Variants in DENND1B observed in about 807,000 individuals in gnomAD.
DENND1B encodes DENN domain-containing protein 1B.
Under a neutral mutation model 90.1 loss-of-function variants are expected in DENND1B, and 59 were observed. The ratio of observed to expected loss-of-function variants is 0.65; its 90% CI spans 0.53 to 0.81. The LOEUF (loss-of-function observed/expected upper bound fraction) is 0.81. Among genes scored for constraint, DENND1B ranks in the 40% least tolerant of loss-of-function variants. The probability of loss-of-function intolerance (pLI) is 0.00; values close to 1 mark genes in which losing one functional copy is unlikely to be tolerated. For synonymous variants in DENND1B, 337 were observed against 324.6 expected (o/e 1.04, Z -0.41); for missense variants, 862 against 912.6 (o/e 0.94, Z 0.71).
chr1:197,670,486 T>TGTGTGTGTGTGTGTGTGTGTGTG (rs1336591945), intron 5 of DENND1B, among the ~76,000 whole-genome samples: 5 of 145,034 alleles, frequency 3.4e-5, no homozygotes, highest in South Asian at 2.2e-4. Flanking sequence ...TGTGTGTGTA[T>TGTGTGTGTGTGTGTGTGTGTGTG]TGAGAGAGAA....
At chr1:197,753,308 C>A (rs114813245) in intron 2 of DENND1B, among the ~76,000 whole-genome samples, 1 of 151,788 alleles carries the variant, frequency 6.6e-6, no homozygotes, top group Non-Finnish European at 1.5e-5. Flanking sequence ...TAAAGCAAGA[C>A]AGGCAAAAAT....
chr1:197,734,539 G>A, intron 2 of DENND1B: 4 of 971,190 alleles, frequency 4.1e-6, no homozygotes, highest in Non-Finnish European at 4.9e-6. Context: ...AAAAATAGAT[G>A]TTTTGTGTTA....
intron 2 of DENND1B, among the ~76,000 whole-genome samples, chr1:197,762,653 T>C (rs1655231511): frequency 6.6e-6 from 1 of 152,172 alleles, no homozygotes; most frequent in African/African-American, 2.4e-5. Context: ...TCTAGACTTG[T>C]TCATTCTATA....
chr1:197,616,919 C>A (rs189187755), intron 11 of DENND1B, among the ~76,000 whole-genome samples: 2 of 150,982 alleles, frequency 1.3e-5, no homozygotes, highest in East Asian at 3.9e-4. Flanking sequence ...CATTTCCCCC[C>A]CTAGTCTTGA....
intron 13 of DENND1B, among the ~76,000 whole-genome samples, chr1:197,597,260 C>T (rs903079782): frequency 6.6e-6 from 1 of 151,700 alleles, no homozygotes; most frequent in Non-Finnish European, 1.5e-5. Flanking sequence ...TCTAATGCTA[C>T]TTTTAAGTTT....
intron 2 of DENND1B, among the ~76,000 whole-genome samples, chr1:197,742,936 A>G (rs1663352761): frequency 6.6e-6 from 1 of 152,170 alleles, no homozygotes; most frequent in African/African-American, 2.4e-5. Context: ...GAACAAGCAG[A>G]TAAAACCATG....
intron 6 of DENND1B, among the ~76,000 whole-genome samples, chr1:197,653,776 T>C (rs1358682808): frequency 6.6e-6 from 1 of 152,090 alleles, no homozygotes; most frequent in Non-Finnish European, 1.5e-5. Context: ...AATAATAATT[T>C]ATCAGTAAGA....
intron 20 of DENND1B, 112 bp from the exon 21 acceptor site, chr1:197,513,065 C>T: frequency 1.3e-6 from 1 of 771,448 alleles, no homozygotes; most frequent in Non-Finnish European, 2.0e-6. Context: ...AAGAAATATG[C>T]ATTCAGGGTT....
intron 15 of DENND1B, among the ~76,000 whole-genome samples, chr1:197,580,959 A>G (rs1233565834): frequency 1.3e-5 from 2 of 152,176 alleles, no homozygotes; most frequent in African/African-American, 4.8e-5. Flanking sequence ...ATCAGAAATA[A>G]AACTTCACTT....
intron 2 of DENND1B, among the ~76,000 whole-genome samples, chr1:197,763,659 G>A (rs1558495259): frequency 6.6e-6 from 1 of 152,164 alleles, no homozygotes; most frequent in Non-Finnish European, 1.5e-5. Flanking sequence ...TGAATATGAA[G>A]TAAAACTCCA....
chr1:197,773,134 C>T (rs745842700), intron 1 of DENND1B: 10 of 569,364 alleles, frequency 1.8e-5, no homozygotes, highest in Non-Finnish European at 3.1e-5. Context: ...AATTCTGAAA[C>T]TTGGGGCAAA....
Position 197,757,166 on chromosome 1 carries a change from A to G in DENND1B, c.82+15702T>C, listed in dbSNP as rs530421781. Among the ~76,000 whole-genome samples, 4 of 152,222 alleles carry G rather than the reference A, an allele frequency of 2.6e-5. No homozygotes were observed. In the East Asian group the frequency reaches 5.8e-4, roughly 22 times the overall value. ...TAATTTATTATCTCTATTGATCATCATAGGTTTACAGAAGAAAGAAAAGGA... is the reference window on the plus strand; with the variant it reads ...TAATTTATTATCTCTATTGATCATCGTAGGTTTACAGAAGAAAGAAAAGGA... On this transcript the variant is annotated intron_variant, in intron 2 of 22. Transcript: ENST00000620048.
At chr1:197,781,468 A>G in the DENND1B span, among the ~76,000 whole-genome samples, 1 of 152,228 alleles carries the variant, frequency 6.6e-6, no homozygotes, top group Non-Finnish European at 1.5e-5. Flanking sequence ...AAATTATTTT[A>G]TCAGGACCTG....
At chr1:197,746,786 T>G in intron 2 of DENND1B, 1 of 1,563,616 alleles carries the variant, frequency 6.4e-7, no homozygotes, top group Non-Finnish European at 8.8e-7. Flanking sequence ...TTCCCATCTC[T>G]TCTTTGCTTC....
At chr1:197,718,391 T>TAAAAAA (rs10639382) in intron 2 of DENND1B, among the ~76,000 whole-genome samples, 1 of 143,256 alleles carries the variant, frequency 7.0e-6, no homozygotes, top group African/African-American at 2.6e-5. Flanking sequence ...CTTAAAAATG[T>TAAAAAA]AAAAAAAAAA....
In DENND1B at chr1:197,645,746, A is replaced by C. The variant is rs1414634440; in HGVS notation, c.508-3T>G. 1 of 1,554,726 alleles carries C rather than the reference A, an allele frequency of 6.4e-7. No homozygotes were observed. Among genetic ancestry groups the C allele is most frequent in the Admixed American group, 1.9e-5 (1 of 54,002 alleles). On this transcript the variant is annotated splice_polypyrimidine_tract_variant and splice_region_variant and intron_variant, in intron 8 of 22. Transcript: ENST00000620048. The stretch of plus-strand genomic sequence containing the variant: ...TCAGGGGCAATGAAGTAGGAATGCT[A>C]ATCAATACAAATAAATCACATATGA...
chr1:197,634,602 G>A (rs1315959516), intron 10 of DENND1B, among the ~76,000 whole-genome samples: 3 of 152,034 alleles, frequency 2.0e-5, no homozygotes, highest in Non-Finnish European at 2.9e-5. Context: ...TTTCCCTAAG[G>A]CATTACTGTT....
chr1:197,636,587 C>T (rs1323455029), intron 10 of DENND1B, among the ~76,000 whole-genome samples: 3 of 152,134 alleles, frequency 2.0e-5, no homozygotes, highest in Non-Finnish European at 2.9e-5. Flanking sequence ...ACTGTACCTA[C>T]CACATAATAC....
chr1:197,624,689 G>A (rs577809909), intron 10 of DENND1B, among the ~76,000 whole-genome samples: 2 of 151,912 alleles, frequency 1.3e-5, no homozygotes, highest in Non-Finnish European at 2.9e-5. Context: ...CGAGTTGAGA[G>A]AAGAAGGCTT....
Sources: gnomAD v4.1 joint callset for allele counts (sites outside exome capture counted in the v4.1 genomes callset) on GRCh38, gnomAD v4.1.1 for gene constraint, MANE v1.5 for transcripts, NCBI Gene and HGNC (gene_info 2026-07-23, HGNC 2026-07-21) for gene names.